DCUN1D4: variants seen among roughly 807,000 people sequenced by gnomAD.
The protein encoded by DCUN1D4 is DCN1-like protein 4.
A neutral mutation model predicts 47.9 loss-of-function variants in DCUN1D4; 22 were observed. The observed-to-expected ratio is 0.46, with a 90% CI of 0.33 to 0.66. DCUN1D4 has a LOEUF of 0.66. Ranked by LOEUF, DCUN1D4 falls within the 30% of genes least tolerant of loss-of-function variation. The pLI, the probability that DCUN1D4 is intolerant of heterozygous loss-of-function variation, is 0.02. For missense variants in DCUN1D4, 301 were observed against 340.8 expected, an observed-to-expected ratio of 0.88 and a Z score of 0.92; for synonymous variants, 121 against 112.2, an observed-to-expected ratio of 1.08 and a Z score of -0.50.
rs141068691 is a variant in DCUN1D4, at chr4:51,865,671, G to A, written c.136+1962G>A. ...GATATCATACTGTACGTGTTATAGTGTGTTTTTCTTTTTCATTTAATGGTG... is the reference window on the plus strand; with the variant it reads ...GATATCATACTGTACGTGTTATAGTATGTTTTTCTTTTTCATTTAATGGTG... On this transcript the variant is annotated intron_variant, in intron 3 of 10. Coordinates refer to ENST00000334635, the MANE Select transcript of DCUN1D4 (RefSeq NM_001040402.3). 3.8e-3 allele frequency: 584 copies of A among 152,324 alleles called. 3 individuals carry two copies. The highest frequency in any genetic ancestry group is 6.0e-3 in the Non-Finnish European group (411 of 68,040). 9.4% of individuals were successfully genotyped at this position (152,324 alleles called of 1,614,324 possible). A position where few individuals can be genotyped will look rare whatever the true frequency, so the allele number is the denominator to read the frequency against.
At chr4:51,860,700 C>A (rs1305517999) in intron 1 of DCUN1D4, 11 of 451,796 alleles carry the variant, frequency 2.4e-5, no homozygotes, top group Non-Finnish European at 4.9e-5. Flanking sequence ...AATGACTGAA[C>A]CCCATAAGAA....
intron 1 of DCUN1D4, 24 bp from the exon 2 acceptor site, chr4:51,863,413 A>G (rs1269582667): frequency 1.3e-6 from 2 of 1,558,192 alleles, no homozygotes; most frequent in Non-Finnish European, 1.8e-6. Flanking sequence ...AATGACGCTG[A>G]CATTTTTCCT....
intron 8 of DCUN1D4, among the ~76,000 whole-genome samples, chr4:51,905,932 C>A (rs1732821690): frequency 6.6e-6 from 1 of 151,560 alleles, no homozygotes; most frequent in Non-Finnish European, 1.5e-5. Context: ...TCGAGGTGAA[C>A]CAGACAGAAT....
intron 8 of DCUN1D4, among the ~76,000 whole-genome samples, chr4:51,905,760 G>A (rs1308846093): frequency 4.6e-5 from 7 of 152,166 alleles, no homozygotes; most frequent in African/African-American, 9.7e-5. Context: ...GAGGGTGTGC[G>A]CTGATCAGCA....
At chr4:51,837,396 G>C in the DCUN1D4 span, among the ~76,000 whole-genome samples, 2 of 152,034 alleles carry the variant, frequency 1.3e-5, no homozygotes, top group African/African-American at 4.8e-5. Flanking sequence ...GGCCGGGCGC[G>C]GTGGCTCACG....
intron 1 of DCUN1D4, chr4:51,843,600 A>C: frequency 1.0e-6 from 1 of 964,392 alleles, no homozygotes. Flanking sequence ...AGGTGGAGGC[A>C]GCGTTGGGCT....
intron 1 of DCUN1D4, among the ~76,000 whole-genome samples, chr4:51,861,103 A>C (rs768583294): frequency 3.2e-4 from 48 of 152,350 alleles, no homozygotes; most frequent in Non-Finnish European, 6.3e-4. Flanking sequence ...TGTCTGATAA[A>C]TATTTTCAAC....
At position 51,844,475 on chromosome 4, in the gene DCUN1D4, G is replaced by A. The variant is rs1202041853; in HGVS notation, c.25+1208G>A. On this transcript the variant is annotated intron_variant, in intron 1 of 10. Coordinates refer to ENST00000334635, the MANE Select transcript of DCUN1D4 (RefSeq NM_001040402.3). ...TGCGGGCTGCGGGGTTTCAGCAGCGGGAGCCGGAGGGGTCGGGCCCTGATG... is the reference window on the plus strand; with the variant it reads ...TGCGGGCTGCGGGGTTTCAGCAGCGAGAGCCGGAGGGGTCGGGCCCTGATG... 1.2e-5 allele frequency: 11 copies of A among 912,680 alleles called. No homozygotes were observed. The South Asian group carries it at 1.5e-4, about 13-fold the overall frequency. 56.5% of individuals were successfully genotyped at this position (912,680 alleles called of 1,614,324 possible).
At position 51,843,184 on chromosome 4, in the gene DCUN1D4, GGGGACCGCGAGGCGAGCGCGGGAGCCT is replaced by G. The variant is rs971503104; in HGVS notation, c.-55_-29del. 2.6e-6 allele frequency: 4 copies of G among 1,535,684 alleles called. No individual in the cohort carries two copies. The highest frequency in any genetic ancestry group is 2.0e-5 in the Admixed American group (1 of 49,848). On this transcript the variant is annotated 5_prime_UTR_variant, in exon 1 of 11. Transcript: ENST00000334635. ...GAGCCGAGGTGCAGTGAGCTGGTGG[GGGGACCGCGAGGCGAGCGCGGGAGCCT>G]GGGCGGCGAGCCGGGTGTGAGCTGC... is the stretch of plus-strand genomic sequence containing the variant.
chr4:51,873,740 A>G (rs1218284860), intron 3 of DCUN1D4, among the ~76,000 whole-genome samples: 1 of 152,262 alleles, frequency 6.6e-6, no homozygotes, highest in Non-Finnish European at 1.5e-5. Context: ...GGCAGAAACA[A>G]ACAAAATTGT....
At chr4:51,871,198 T>G (rs1201290959) in intron 3 of DCUN1D4, among the ~76,000 whole-genome samples, 1 of 150,896 alleles carries the variant, frequency 6.6e-6, no homozygotes, top group East Asian at 1.9e-4. Flanking sequence ...ACAGAATCAC[T>G]GGGATGATTT....
chr4:51,888,804 A>G (rs1729959016), intron 6 of DCUN1D4, among the ~76,000 whole-genome samples: 1 of 150,494 alleles, frequency 6.6e-6, no homozygotes, highest in South Asian at 2.1e-4. Flanking sequence ...AGACTAAAAG[A>G]CCATATTATC....
rs78503183 is a variant in DCUN1D4, at chr4:51,883,015, A to G, written c.344-3553A>G. Among the ~76,000 whole-genome samples, 129 of 152,378 alleles carry G rather than the reference A, an allele frequency of 8.5e-4. 1 individual carries two copies. Among genetic ancestry groups the G allele is most frequent in the African/African-American group, 3.0e-3 (125 of 41,596 alleles). ...TTATCAGAATATTCTTCAGTCTCAC[A>G]GCCTAAATACTTTAGTAGAATGATG... is the stretch of plus-strand genomic sequence containing the variant. On this transcript the variant is annotated intron_variant, in intron 5 of 10. Coordinates refer to ENST00000334635, the MANE Select transcript of DCUN1D4 (RefSeq NM_001040402.3).
intron 8 of DCUN1D4, among the ~76,000 whole-genome samples, chr4:51,900,520 A>G (rs1731946674): frequency 6.6e-6 from 1 of 152,138 alleles, no homozygotes; most frequent in Non-Finnish European, 1.5e-5. Context: ...GATCACTTAA[A>G]GCCAGAAGTT....
chr4:51,916,602 A>T lies in DCUN1D4; in HGVS notation c.*3018A>T, dbSNP rs996482201. On this transcript the variant is annotated 3_prime_UTR_variant, in exon 11 of 11. Transcript: ENST00000334635. ...AAACGTGGGTTGCTTTTTTCATAAAATAATTTCTATTGGGGGTTACTGTTC... is the reference window on the plus strand; with the variant it reads ...AAACGTGGGTTGCTTTTTTCATAAATTAATTTCTATTGGGGGTTACTGTTC... 4 of 152,596 alleles carry T rather than the reference A, an allele frequency of 2.6e-5. No individual in the cohort carries two copies. The highest frequency in any genetic ancestry group is 2.0e-4 in the Admixed American group (3 of 15,258). 9.5% of individuals were successfully genotyped at this position (152,596 alleles called of 1,614,324 possible). A position where few individuals can be genotyped will look rare whatever the true frequency, so the allele number is the denominator to read the frequency against.
intron 7 of DCUN1D4, 129 bp from the exon 8 acceptor site, chr4:51,899,141 T>C: frequency 7.3e-7 from 1 of 1,371,900 alleles, no homozygotes; most frequent in Non-Finnish European, 9.4e-7. Context: ...GTAGAAAAAA[T>C]AGGTTATGGA....
chr4:51,881,268 A>G lies in DCUN1D4; in HGVS notation c.343+3414A>G, dbSNP rs1265826661. Reference sequence around the variant, plus strand: ...TACAGTTATACTAAAGCTCACATACATAGGTCATAATAGTTCTACAAGTCC... The same window carrying G: ...TACAGTTATACTAAAGCTCACATACGTAGGTCATAATAGTTCTACAAGTCC... On this transcript the variant is annotated intron_variant, in intron 5 of 10. Transcript: ENST00000334635. Among the ~76,000 whole-genome samples the G allele has an allele frequency of 2.0e-5, 3 of 152,346 alleles. No individual in the cohort carries two copies. In the East Asian group the frequency reaches 5.8e-4, roughly 29 times the overall value.
At chr4:51,882,302 C>T (rs539212385) in intron 5 of DCUN1D4, among the ~76,000 whole-genome samples, 4 of 152,296 alleles carry the variant, frequency 2.6e-5, no homozygotes, top group African/African-American at 7.2e-5. Context: ...AGTTCATTTT[C>T]CCATGTGGCA....
rs1460370367 is a variant in DCUN1D4, at chr4:51,863,422, C to G, written c.26-15C>G. 9 of 1,595,726 alleles carry G rather than the reference C, an allele frequency of 5.6e-6. No homozygotes were observed. The highest frequency in any genetic ancestry group is 1.7e-5 in the Admixed American group (1 of 58,178). ...GAAATAAATGACGCTGACATTTTTC[C>G]TTTTTCTTTTCAAGATTTTCAGCTG... On this transcript the variant is annotated splice_polypyrimidine_tract_variant and intron_variant, in intron 1 of 10. Coordinates refer to ENST00000334635, the MANE Select transcript of DCUN1D4 (RefSeq NM_001040402.3).
Sources: gnomAD v4.1 joint callset for allele counts (sites outside exome capture counted in the v4.1 genomes callset) on GRCh38, gnomAD v4.1.1 for gene constraint, MANE v1.5 for transcripts, NCBI Gene and HGNC (gene_info 2026-07-23, HGNC 2026-07-21) for gene names.